Variants in STX17 observed in about 807,000 individuals in gnomAD.
The protein encoded by STX17 is syntaxin-17.
In STX17, 29 loss-of-function variants were observed where a neutral mutation model predicts 35.9. The observed-to-expected ratio is 0.81, with a 90% CI of 0.60 to 1.10. The LOEUF (loss-of-function observed/expected upper bound fraction) is 1.10, where lower values mean the gene tolerates loss of function less well. Among genes scored for constraint, STX17 ranks in the 50% least tolerant of loss-of-function variants. The probability of loss-of-function intolerance (pLI) is 0.00; values close to 1 mark genes in which losing one functional copy is unlikely to be tolerated. For synonymous variants in STX17, 92 were observed against 118.3 expected, an observed-to-expected ratio of 0.78 and a Z score of 1.44; for missense variants, 312 against 352.3, an observed-to-expected ratio of 0.89 and a Z score of 0.92.
intron 3 of STX17, among the ~76,000 whole-genome samples, chr9:99,930,273 AT>A (rs1829091661): frequency 2.2e-5 from 3 of 138,342 alleles, no homozygotes; most frequent in African/African-American, 8.1e-5. Flanking sequence ...ATTTTATTTC[AT>A]TTCATTTTTT....
intron 3 of STX17, among the ~76,000 whole-genome samples, chr9:99,933,478 G>A (rs952101343): frequency 2.0e-5 from 3 of 152,112 alleles, no homozygotes; most frequent in African/African-American, 7.2e-5. Flanking sequence ...TTGGGAAGTT[G>A]GGAGTTGCAT....
At chr9:99,911,143 C>T (rs1587907449) in intron 1 of STX17, among the ~76,000 whole-genome samples, 1 of 151,920 alleles carries the variant, frequency 6.6e-6, no homozygotes, top group African/African-American at 2.4e-5. Flanking sequence ...TCAAGCGATT[C>T]TCCTGCCTCA....
At chr9:99,915,599 T>C (rs1232346137) in intron 2 of STX17, among the ~76,000 whole-genome samples, 1 of 152,196 alleles carries the variant, frequency 6.6e-6, no homozygotes, top group Admixed American at 6.5e-5. Context: ...TTTTGTTTGT[T>C]TGTTTGTTTG....
At position 99,946,170 on chromosome 9, in the gene STX17, C is replaced by T. The variant is rs552959964; in HGVS notation, c.190-4890C>T. On this transcript the variant is annotated intron_variant, in intron 3 of 7. Coordinates refer to ENST00000259400, the MANE Select transcript of STX17 (RefSeq NM_017919.3). ...CTTGTCACTGTTCTCTATAAAAGTA[C>T]AGTATAACAATTTATATAGTATTTA... Among the ~76,000 whole-genome samples, 4 of 152,154 alleles carry T rather than the reference C, an allele frequency of 2.6e-5. No homozygotes were observed. The South Asian group carries it at 6.2e-4, about 24-fold the overall frequency.
At chr9:99,922,468 C>A (rs1348856177) in intron 2 of STX17, among the ~76,000 whole-genome samples, 1 of 152,180 alleles carries the variant, frequency 6.6e-6, no homozygotes, top group Non-Finnish European at 1.5e-5. Context: ...CTAAAATTGT[C>A]CTTATCTACT....
intron 3 of STX17, among the ~76,000 whole-genome samples, chr9:99,937,297 T>C (rs1359244033): frequency 6.6e-6 from 1 of 152,194 alleles, no homozygotes; most frequent in Non-Finnish European, 1.5e-5. Context: ...ACTTATCGTT[T>C]GCATCAAATA....
At chr9:99,960,856 G>A (rs71503726) in intron 6 of STX17, among the ~76,000 whole-genome samples, 1,551 of 152,306 alleles carry the variant, frequency 0.01, 15 homozygotes, top group African/African-American at 0.012. Context: ...CAGCTCCAAG[G>A]AAAAGCATTT....
In STX17 at chr9:99,968,816, GAT is replaced by G; in HGVS notation, c.*148_*149del. ...AAGTGGGATTGAAGTGTGATAAATG[GAT>G]ATATTTTGTTGTTTGCTGGGGTGTT... On this transcript the variant is annotated 3_prime_UTR_variant, in exon 8 of 8. Coordinates refer to ENST00000259400, the MANE Select transcript of STX17 (RefSeq NM_017919.3). 7.6e-7 allele frequency: 1 copy of G among 1,319,542 alleles called. No homozygotes were observed. The highest frequency in any genetic ancestry group is 1.0e-6 in the Non-Finnish European group (1 of 971,256). 81.7% of individuals were successfully genotyped at this position (1,319,542 alleles called of 1,614,324 possible).
intron 2 of STX17, among the ~76,000 whole-genome samples, chr9:99,921,612 A>G (rs1257247185): frequency 6.8e-6 from 1 of 147,864 alleles, no homozygotes; most frequent in Non-Finnish European, 1.5e-5. Context: ...AAACCATCTC[A>G]CTAATTATCT....
intron 4 of STX17, among the ~76,000 whole-genome samples, chr9:99,958,013 A>C (rs1829748195): frequency 6.6e-6 from 1 of 152,098 alleles, no homozygotes; most frequent in East Asian, 1.9e-4. Context: ...GTAGTCTCCA[A>C]CTATTTTTAA....
At chr9:99,937,308 T>C (rs1310353282) in intron 3 of STX17, among the ~76,000 whole-genome samples, 4 of 152,208 alleles carry the variant, frequency 2.6e-5, no homozygotes, top group Non-Finnish European at 5.9e-5. Flanking sequence ...GCATCAAATA[T>C]GGGCACTTTT....
intron 2 of STX17, among the ~76,000 whole-genome samples, chr9:99,926,689 G>A (rs571973084): frequency 3.3e-5 from 5 of 152,064 alleles, no homozygotes; most frequent in South Asian, 2.1e-4. Context: ...TAGTAGAGAC[G>A]GGGTTTCACC....
chr9:99,924,101 C>T (rs1259596003), intron 2 of STX17, among the ~76,000 whole-genome samples: 1 of 152,212 alleles, frequency 6.6e-6, no homozygotes, highest in Non-Finnish European at 1.5e-5. Flanking sequence ...AGTGGAGAAA[C>T]CCAACAAGGC....
At chr9:99,931,060 A>G (rs1038219370) in intron 3 of STX17, among the ~76,000 whole-genome samples, 1 of 152,102 alleles carries the variant, frequency 6.6e-6, no homozygotes, top group Non-Finnish European at 1.5e-5. Flanking sequence ...GGCTCACTGC[A>G]ATCTCCACCT....
chr9:99,935,553 C>T (rs181168956), intron 3 of STX17, among the ~76,000 whole-genome samples: 8 of 152,256 alleles, frequency 5.3e-5, no homozygotes, highest in Middle Eastern at 3.4e-3. Context: ...TGAACATTTG[C>T]TGTGTTCTAG....
chr9:99,922,556 T>C (rs1469382929), intron 2 of STX17, among the ~76,000 whole-genome samples: 5 of 152,194 alleles, frequency 3.3e-5, no homozygotes, highest in Admixed American at 2.6e-4. Context: ...GCTGAAGATA[T>C]CTCTGTCAAG....
At chr9:99,939,446 G>A (rs1043429115) in intron 3 of STX17, among the ~76,000 whole-genome samples, 4 of 152,084 alleles carry the variant, frequency 2.6e-5, no homozygotes, top group Admixed American at 2.0e-4. Flanking sequence ...CTAAAACATC[G>A]TCAGTTGTAA....
intron 3 of STX17, among the ~76,000 whole-genome samples, chr9:99,941,142 A>G (rs933301234): frequency 7.2e-5 from 11 of 152,232 alleles, no homozygotes; most frequent in African/African-American, 2.2e-4. Flanking sequence ...TTGGAGATGC[A>G]TGTTGTTGGA....
chr9:99,935,196 G>C (rs563778739), intron 3 of STX17, among the ~76,000 whole-genome samples: 78 of 151,786 alleles, frequency 5.1e-4, no homozygotes, highest in Non-Finnish European at 9.4e-4. Flanking sequence ...CGGATGTGGT[G>C]GTGGGCACCT....
Sources: allele counts gnomAD v4.1 joint callset (sites outside exome capture counted in the v4.1 genomes callset), GRCh38; gene constraint gnomAD v4.1.1; transcripts MANE v1.5; gene names NCBI Gene and HGNC (gene_info 2026-07-23, HGNC 2026-07-21).